Variants in SBF2 observed in about 807,000 individuals in gnomAD.
The protein encoded by SBF2 is SET binding factor 2.
A neutral mutation model predicts 225.2 loss-of-function variants in SBF2; 112 were observed. The ratio of observed to expected loss-of-function variants is 0.50; its 90% confidence interval spans 0.43 to 0.58. The LOEUF (loss-of-function observed/expected upper bound fraction) is 0.58, where lower values mean the gene tolerates loss of function less well. Among genes scored for constraint, SBF2 ranks in the 20% least tolerant of loss-of-function variants. The pLI, the probability that SBF2 is intolerant of heterozygous loss-of-function variation, is 0.00. For synonymous variants in SBF2, 763 were observed against 773.3 expected, an observed-to-expected ratio of 0.99 and a Z score of 0.22; for missense variants, 1,996 against 2,206.2, an observed-to-expected ratio of 0.90 and a Z score of 1.91.
chr11:9,892,360 C>T (rs567381087), intron 17 of SBF2, among the ~76,000 whole-genome samples: 1 of 151,826 alleles, frequency 6.6e-6, no homozygotes, highest in African/African-American at 2.4e-5. Flanking sequence ...CTCAAGTGAT[C>T]CACCACCAAA....
At chr11:9,926,490 C>T (rs1490218269) in intron 16 of SBF2, among the ~76,000 whole-genome samples, 3 of 151,854 alleles carry the variant, frequency 2.0e-5, no homozygotes, top group African/African-American at 7.3e-5. Flanking sequence ...GGAATAGCTG[C>T]CAATATAGAC....
chr11:10,230,361 G>A (rs577636507), intron 1 of SBF2, among the ~76,000 whole-genome samples: 1 of 152,090 alleles, frequency 6.6e-6, no homozygotes, highest in African/African-American at 2.4e-5. Flanking sequence ...TTATGATGCT[G>A]GCTGGTTATT....
intron 1 of SBF2, among the ~76,000 whole-genome samples, chr11:10,248,055 C>T (rs756666782): frequency 1.3e-5 from 2 of 152,188 alleles, no homozygotes; most frequent in Non-Finnish European, 2.9e-5. Flanking sequence ...AGGTCATAAG[C>T]TGCTTCTTTG....
At chr11:10,256,990 T>C (rs1960916500) in intron 1 of SBF2, among the ~76,000 whole-genome samples, 1 of 152,216 alleles carries the variant, frequency 6.6e-6, no homozygotes, top group Non-Finnish European at 1.5e-5. Flanking sequence ...CACTTCCTAG[T>C]AAAAATACAG....
intron 1 of SBF2, among the ~76,000 whole-genome samples, chr11:10,261,682 C>A (rs563875461): frequency 5.7e-4 from 87 of 152,310 alleles, no homozygotes; most frequent in Non-Finnish European, 1.1e-3. Context: ...TAAGAATATT[C>A]ATAGCAGTTT....
intron 2 of SBF2, among the ~76,000 whole-genome samples, chr11:10,189,357 T>G (rs1957069372): frequency 6.6e-6 from 1 of 152,200 alleles, no homozygotes; most frequent in African/African-American, 2.4e-5. Flanking sequence ...AAGAGAAAAG[T>G]CTCTTCTAAC....
chr11:9,962,151 G>GA, intron 15 of SBF2, 45 bp from the exon 16 acceptor site: 2 of 1,570,192 alleles, frequency 1.3e-6, no homozygotes, highest in Non-Finnish European at 1.8e-6. Context: ...ACCACTGGGG[G>GA]AAACAACAAC....
intron 2 of SBF2, among the ~76,000 whole-genome samples, chr11:10,051,374 T>G (rs1950057034): frequency 6.6e-6 from 1 of 152,082 alleles, no homozygotes; most frequent in South Asian, 2.1e-4. Flanking sequence ...ATATGTTAGT[T>G]TACACTATAA....
chr11:10,253,467 C>T (rs982631768), intron 1 of SBF2, among the ~76,000 whole-genome samples: 1 of 152,084 alleles, frequency 6.6e-6, no homozygotes, highest in Non-Finnish European at 1.5e-5. Flanking sequence ...TGCTTGGAAA[C>T]GCTTTTCTTA....
intron 6 of SBF2, among the ~76,000 whole-genome samples, chr11:10,025,751 C>T (rs1949030843): frequency 6.6e-6 from 1 of 152,080 alleles, no homozygotes; most frequent in South Asian, 2.1e-4. Context: ...AGGCACCTGC[C>T]ACCATGCTCC....
chr11:10,194,222 T>C (rs1957283633), intron 1 of SBF2, among the ~76,000 whole-genome samples: 1 of 152,182 alleles, frequency 6.6e-6, no homozygotes, highest in Non-Finnish European at 1.5e-5. Flanking sequence ...TGAAAATATT[T>C]GGGATGAAAA....
chr11:10,079,906 C>T (rs1951290307), intron 2 of SBF2, among the ~76,000 whole-genome samples: 1 of 151,996 alleles, frequency 6.6e-6, no homozygotes. Flanking sequence ...TCAGCAGAAA[C>T]CTTACAAGCC....
At position 10,241,807 on chromosome 11, in the gene SBF2, A is replaced by C. The variant is rs144361465; in HGVS notation, c.56-47820T>G. Among the ~76,000 whole-genome samples, 94 of 152,166 alleles carry C rather than the reference A, an allele frequency of 6.2e-4. No homozygotes were observed. In the East Asian group the frequency reaches 0.016, roughly 26 times the overall value. ...TTCTCCATGGAAACACAAAATTAACAACCATCTAAATAAAAAATTACCTTC... is the reference window on the plus strand; with the variant it reads ...TTCTCCATGGAAACACAAAATTAACCACCATCTAAATAAAAAATTACCTTC... On this transcript the variant is annotated intron_variant, in intron 1 of 39. Coordinates refer to ENST00000256190, the MANE Select transcript of SBF2 (RefSeq NM_030962.4).
At chr11:9,800,696 C>T (rs569827488) in intron 32 of SBF2, among the ~76,000 whole-genome samples, 9 of 152,008 alleles carry the variant, frequency 5.9e-5, no homozygotes, top group South Asian at 2.1e-4. Context: ...CGTGAGCCAC[C>T]GTGCCTGGCC....
chr11:9,789,339 G>C lies in SBF2; in HGVS notation c.4702C>G (p.Leu1568Val). Residue 1568 changes from leucine to valine, a missense_variant, in exon 35 of 40, where the codon CTA becomes GTA. Physicochemically the swap from Leu to Val is conservative, Grantham distance 32. Transcript: ENST00000256190. ...CTAGAGACGTTTACATTGGGCTTTA[G>C]AGCCTGTTAAAGAAAACAGAAATAT... ...YLYSPLEIEA[L>V]KPNVNVSSLK... is the part of the protein sequence containing the mutation. 2.5e-6 allele frequency: 4 copies of C among 1,612,420 alleles called. No homozygotes were observed. Among genetic ancestry groups the C allele is most frequent in the Non-Finnish European group, 3.4e-6 (4 of 1,178,508 alleles).
intron 26 of SBF2, among the ~76,000 whole-genome samples, chr11:9,833,752 A>G (rs1855559621): frequency 6.9e-6 from 1 of 145,638 alleles, no homozygotes; most frequent in Non-Finnish European, 1.5e-5. Flanking sequence ...AATATACCTA[A>G]CATAAAATTT....
chr11:9,784,505 G>A, intron 37 of SBF2, 67 bp from the exon 38 acceptor site: 1 of 1,225,186 alleles, frequency 8.2e-7, no homozygotes, highest in South Asian at 1.2e-5. Flanking sequence ...AAGGGGAGGG[G>A]ATATCTGTTG....
At chr11:9,910,112 G>A (rs1407810408) in intron 16 of SBF2, among the ~76,000 whole-genome samples, 1 of 152,134 alleles carries the variant, frequency 6.6e-6, no homozygotes, top group Non-Finnish European at 1.5e-5. Flanking sequence ...CACAGTCACC[G>A]AGAAAAAGAC....
At chr11:10,161,184 C>CAAAAAAAAAAAAAAAAAAAAAAAAAAAAA (rs56779207) in intron 2 of SBF2, among the ~76,000 whole-genome samples, 1 of 75,348 alleles carries the variant, frequency 1.3e-5, no homozygotes, top group Non-Finnish European at 2.5e-5. Flanking sequence ...GACTCTGTCT[C>CAAAAAAAAAAAAAAAAAAAAAAAAAAAAA]AAAAAAAAAA....
Sources: allele counts gnomAD v4.1 joint callset (sites outside exome capture counted in the v4.1 genomes callset), GRCh38; gene constraint gnomAD v4.1.1; transcripts MANE v1.5; gene names NCBI Gene and HGNC (gene_info 2026-07-23, HGNC 2026-07-21).